KANK3: variants seen among roughly 807,000 people sequenced by gnomAD.
KANK3 encodes KN motif and ankyrin repeat domain-containing protein 3.
A neutral mutation model predicts 65.4 loss-of-function variants in KANK3; 61 were observed. That is an observed-to-expected ratio of 0.93 (90% CI 0.76 to 1.15). The LOEUF is 1.15. KANK3 is among the 50% of genes most tolerant of loss of function. The probability of loss-of-function intolerance (pLI) is 0.00; values close to 1 mark genes in which losing one functional copy is unlikely to be tolerated. For synonymous variants in KANK3, 586 were observed against 543.3 expected (o/e 1.08, Z -1.09); for missense variants, 1,187 against 1,178.8 (o/e 1.01, Z -0.10).
intron 7 of KANK3, among the ~76,000 whole-genome samples, chr19:8,325,428 C>T (rs1053436585): frequency 1.0e-4 from 15 of 150,150 alleles, no homozygotes; most frequent in African/African-American, 2.0e-4. Flanking sequence ...TGTGCCATCA[C>T]ACCCAGCTAA....
intron 1 of KANK3, among the ~76,000 whole-genome samples, chr19:8,339,553 T>G (rs1483359048): frequency 1.3e-5 from 2 of 151,736 alleles, no homozygotes; most frequent in Non-Finnish European, 2.9e-5. Flanking sequence ...AGAGATAGGG[T>G]TTCATCATGT....
In KANK3 at chr19:8,335,301, CA is replaced by C. The variant is rs2145434252; in HGVS notation, c.525del (p.Ala176LeufsTer165). 8.3e-7 allele frequency: 1 copy of C among 1,206,304 alleles called. No individual in the cohort carries two copies. The highest frequency in any genetic ancestry group is 1.0e-6 in the Non-Finnish European group (1 of 971,690). The allele number at this position is 1,206,304 out of a possible 1,614,324, so 74.7% of individuals were successfully genotyped here. A position where few individuals can be genotyped will look rare whatever the true frequency, so the allele number is the denominator to read the frequency against. On this transcript the variant is annotated frameshift_variant, in exon 3 of 11. Transcript: ENST00000330915. LOFTEE classifies it high-confidence loss of function. ...TGCAGTTGGGCAGGGCCGGGCGAAGCAGGGGCAAGGTTAGGGGCGGGGCTGC... is the reference window on the plus strand; with the variant it reads ...TGCAGTTGGGCAGGGCCGGGCGAAGCGGGGCAAGGTTAGGGGCGGGGCTGC... ...GRSSPAPNLAPASPGPAQLQL... is the reference protein window; with the variant it reads ...GRSSPAPNLAXASPGPAQLQL...
In KANK3 at chr19:8,334,884, C is replaced by T. The variant is rs1211727283; in HGVS notation, c.943G>A (p.Gly315Ser). The change falls in exon 3 of 11, where the codon GGT (glycine) becomes AGT (serine). Residue 315 changes from glycine to serine, a missense_variant. Transcript: ENST00000330915. The stretch of plus-strand genomic sequence containing the variant: ...CGGGTCTCCGGCACGGCCTGGGCAC[C>T]CGCTTCTCGGGTCTCGGGCACGGCC... ...AEAVPETREA[G>S]AQAVPETREA... The T allele has an allele frequency of 8.9e-6, 13 of 1,458,450 alleles. No homozygotes were observed. The highest frequency in any genetic ancestry group is 1.2e-5 in the Non-Finnish European group (13 of 1,114,552). 90.3% of individuals were successfully genotyped at this position (1,458,450 alleles called of 1,614,324 possible).
At chr19:8,336,405 C>T (rs1055976774) in intron 2 of KANK3, among the ~76,000 whole-genome samples, 8 of 147,752 alleles carry the variant, frequency 5.4e-5, no homozygotes, top group Admixed American at 4.8e-4. Flanking sequence ...CCAATGCACT[C>T]CAGCCTGGGC....
At position 8,335,307 on chromosome 19, in the gene KANK3, C is replaced by A. The variant is rs937698258; in HGVS notation, c.520G>T (p.Ala174Ser). The change falls in exon 3 of 11, where the codon GCC becomes TCC. Residue 174 changes from alanine (A) to serine (S), a missense_variant. Ala to Ser is a moderately conservative substitution (Grantham distance 99). Coordinates refer to ENST00000330915, the MANE Select transcript of KANK3 (RefSeq NM_198471.3). ...SGRSSPAPNL[A>S]PASPGPAQLQ... Reference sequence around the variant, plus strand: ...TGGGCAGGGCCGGGCGAAGCAGGGGCAAGGTTAGGGGCGGGGCTGCTGCGG... The same window carrying A: ...TGGGCAGGGCCGGGCGAAGCAGGGGAAAGGTTAGGGGCGGGGCTGCTGCGG... 4.2e-6 allele frequency: 5 copies of A among 1,204,622 alleles called. No homozygotes were observed. In the African/African-American group the frequency reaches 4.8e-5, roughly 12 times the overall value. 74.6% of individuals were successfully genotyped at this position (1,204,622 alleles called of 1,614,324 possible). A position where few individuals can be genotyped will look rare whatever the true frequency, so the allele number is the denominator to read the frequency against.
At chr19:8,325,460 A>G (rs1197717946) in intron 7 of KANK3, among the ~76,000 whole-genome samples, 1 of 151,664 alleles carries the variant, frequency 6.6e-6, no homozygotes, top group Non-Finnish European at 1.5e-5. Context: ...TTTAGTAGAG[A>G]CAGGGTTTCA....
chr19:8,333,630 AG>A lies in KANK3; in HGVS notation c.1719+93del. On this transcript the variant is annotated intron_variant, in intron 6 of 10. Transcript: ENST00000330915. This position sits in a 1 kb window ranked among gnomAD's most constrained non-coding sequence, Gnocchi z 5.0. The stretch of plus-strand genomic sequence containing the variant: ...GGGTCAGGCGAGGTGCCTGGCGGGA[AG>A]GGATGGAACCCGGTGTGCTCCCCTA... The A allele has an allele frequency of 9.9e-7, 1 of 1,010,700 alleles. No homozygotes were observed. Among genetic ancestry groups the A allele is most frequent in the Non-Finnish European group, 1.4e-6 (1 of 724,450 alleles). The allele number at this position is 1,010,700 out of a possible 1,614,324, so 62.6% of individuals were successfully genotyped here. A position where few individuals can be genotyped will look rare whatever the true frequency, so the allele number is the denominator to read the frequency against.
At chr19:8,323,429 G>A (rs1229439960) in intron 10 of KANK3, 1 of 154,308 alleles carries the variant, frequency 6.5e-6, no homozygotes, top group Non-Finnish European at 1.5e-5. Context: ...CAGGCGCGAT[G>A]GCTCACAGCT....
chr19:8,334,401 A>G lies in KANK3; in HGVS notation c.1346T>C (p.Met449Thr), dbSNP rs752522041. 1 of 1,613,980 alleles carries G rather than the reference A, an allele frequency of 6.2e-7. No homozygotes were observed. Among genetic ancestry groups the G allele is most frequent in the South Asian group, 1.1e-5 (1 of 91,084 alleles). ...ACCAGGTGTGCCGTCTCTCTTCTTCATGATGGATTTGAGGATGCCTGGCGG... is the reference window on the plus strand; with the variant it reads ...ACCAGGTGTGCCGTCTCTCTTCTTCGTGATGGATTTGAGGATGCCTGGCGG... ...VAPAGILKSI[M>T]KKRDGTPGAQ... is the part of the protein sequence containing the mutation. The change falls in exon 4 of 11, where the codon ATG becomes ACG. Residue 449 changes from methionine (M) to threonine (T), a missense_variant. Physicochemically the swap from Met to Thr is moderately conservative, Grantham distance 81. Coordinates refer to ENST00000330915, the MANE Select transcript of KANK3 (RefSeq NM_198471.3).
intron 10 of KANK3, 157 bp from the exon 11 acceptor site, chr19:8,323,079 C>G (rs1970352050): frequency 2.0e-6 from 1 of 487,948 alleles, no homozygotes; most frequent in South Asian, 3.2e-5. Context: ...GGAAGAGGCG[C>G]TTGACCTTCC....
chr19:8,326,769 C>T (rs139641769), intron 7 of KANK3, among the ~76,000 whole-genome samples: 1 of 150,898 alleles, frequency 6.6e-6, no homozygotes, highest in Non-Finnish European at 1.5e-5. Flanking sequence ...TGCACTCCAG[C>T]CTGGGTGACA....
chr19:8,335,195 T>TGCAGCTCGG lies in KANK3; in HGVS notation c.623_631dup (p.Pro208_Leu210dup). The TGCAGCTCGG allele has an allele frequency of 8.2e-7, 1 of 1,216,416 alleles. No homozygotes were observed. Among genetic ancestry groups the TGCAGCTCGG allele is most frequent in the South Asian group, 3.3e-5 (1 of 29,888 alleles). The allele number at this position is 1,216,416 out of a possible 1,614,324, so 75.4% of individuals were successfully genotyped here. On this transcript the variant is annotated inframe_insertion, in exon 3 of 11. Coordinates refer to ENST00000330915, the MANE Select transcript of KANK3 (RefSeq NM_198471.3). ...GGCGCGCAGCGCGCGCACCTGCTCC[T>TGCAGCTCGG]GCAGCTCGGGCAGCGTTCGCGCCTG...
Position 8,322,725 on chromosome 19 carries a change from C to T in KANK3, c.*114G>A. On this transcript the variant is annotated 3_prime_UTR_variant, in exon 11 of 11. Transcript: ENST00000330915. ...CCCCAACTGAAATTGCCTTTCTCTT[C>T]GGCCAGTGTTAGCCTCTGAGCAGGG... is the stretch of plus-strand genomic sequence containing the variant. 1 of 759,678 alleles carries T rather than the reference C, an allele frequency of 1.3e-6. No homozygotes were observed. The highest frequency in any genetic ancestry group is 1.8e-5 in the South Asian group (1 of 55,324). The allele number at this position is 759,678 out of a possible 1,614,324, so 47.1% of individuals were successfully genotyped here.
chr19:8,334,482 G>A lies in KANK3; in HGVS notation c.1327+18C>T. On this transcript the variant is annotated intron_variant, in intron 3 of 10. Transcript: ENST00000330915. ...GGCGCCGAGTAAGCCAGGGCCCAGC[G>A]ACGGGGTCGGGACTCACCCGCGGGC... 6.2e-7 allele frequency: 1 copy of A among 1,607,696 alleles called. No homozygotes were observed. The highest frequency in any genetic ancestry group is 8.5e-7 in the Non-Finnish European group (1 of 1,179,748).
In KANK3 at chr19:8,333,062, T is replaced by C. The variant is rs928271002; in HGVS notation, c.1888A>G (p.Ser630Gly). 3.6e-6 allele frequency: 5 copies of C among 1,389,806 alleles called. No individual in the cohort carries two copies. In the African/African-American group the frequency reaches 8.0e-5, roughly 22 times the overall value. 86.1% of individuals were successfully genotyped at this position (1,389,806 alleles called of 1,614,324 possible). Reference sequence around the variant, plus strand: ...ATGGCCAGGTTCCCGTGGGACACACTGTAGTGCAGGGCCGTGTTCCCGTTG... The same window carrying C: ...ATGGCCAGGTTCCCGTGGGACACACCGTAGTGCAGGGCCGTGTTCCCGTTG... The part of the protein sequence containing the change: ...DGNGNTALHY[S>G]VSHGNLAIAS... Residue 630 changes from serine to glycine, a missense_variant, in exon 7 of 11, where the codon AGT (serine) becomes GGT (glycine). Physicochemically the swap from Ser to Gly is moderately conservative, Grantham distance 56 (BLOSUM62 0). Transcript: ENST00000330915. The surrounding 1 kb of genome is among the most constrained non-coding windows in gnomAD (Gnocchi z 5.0).
intron 1 of KANK3, among the ~76,000 whole-genome samples, chr19:8,341,349 C>T (rs1019894153): frequency 2.6e-5 from 4 of 151,462 alleles, no homozygotes; most frequent in African/African-American, 4.9e-5. Context: ...CTCAGCCTCA[C>T]AAATAGCTGA....
intron 7 of KANK3, among the ~76,000 whole-genome samples, chr19:8,331,247 A>C (rs972747941): frequency 6.6e-6 from 1 of 152,024 alleles, no homozygotes; most frequent in Non-Finnish European, 1.5e-5. Context: ...GTAGGAGATA[A>C]AGGGGCCAAG....
Position 8,324,435 on chromosome 19 carries a change from A to G in KANK3, c.2382+14T>C. On this transcript the variant is annotated intron_variant, in intron 10 of 10. Coordinates refer to ENST00000330915, the MANE Select transcript of KANK3 (RefSeq NM_198471.3). ...GCAGCTGGGAAAGTTTGTTTCTTCC[A>G]GAGCTGTGCTCACCTGGGTGTCGGG... The G allele has an allele frequency of 6.3e-7, 1 of 1,581,044 alleles. No individual in the cohort carries two copies. Among genetic ancestry groups the G allele is most frequent in the Non-Finnish European group, 8.6e-7 (1 of 1,162,796 alleles).
Position 8,322,864 on chromosome 19 carries a change from T to C in KANK3, c.2441A>G (p.Asn814Ser). The stretch of plus-strand genomic sequence containing the variant: ...TTACTGAACCTGGGGGTTCTCTCCA[T>C]TGTCACCGCATTCTCCTTCACCAGG... ...ATPGEGECGD[N>S]GENPQVQ The change falls in exon 11 of 11, where the codon AAT becomes AGT. Residue 814 changes from asparagine to serine, a missense_variant. By Grantham distance (46) the Asn-to-Ser change is conservative (BLOSUM62 1). Around this residue, in one of 3 missense-constraint regions of KANK3, gnomAD observed 1,078 missense variants for 1,038.2 expected, o/e 1.04. Transcript: ENST00000330915. 6.3e-7 allele frequency: 1 copy of C among 1,596,966 alleles called. No homozygotes were observed. The highest frequency in any genetic ancestry group is 8.5e-7 in the Non-Finnish European group (1 of 1,171,584).
Sources: allele counts gnomAD v4.1 joint callset (sites outside exome capture counted in the v4.1 genomes callset), GRCh38; gene constraint gnomAD v4.1.1; regional missense constraint gnomAD v4.1.1; non-coding constraint Gnocchi (gnomAD v3.1); transcripts MANE v1.5; gene names NCBI Gene and HGNC (gene_info 2026-07-23, HGNC 2026-07-21).